The following ZNF407 variants were observed in gnomAD, a reference collection of about 807,000 sequenced individuals.
The protein encoded by ZNF407 is zinc finger protein 407.
A neutral mutation model predicts 131.2 loss-of-function variants in ZNF407; 17 were observed. The observed-to-expected ratio is 0.13, with a 90% CI of 0.09 to 0.19. The LOEUF (loss-of-function observed/expected upper bound fraction) is 0.19. Ranked by LOEUF, ZNF407 falls within the 10% of genes least tolerant of loss-of-function variation. The probability of loss-of-function intolerance (pLI) is 1.00; values close to 1 mark genes in which losing one functional copy is unlikely to be tolerated. For missense variants in ZNF407, 2,681 were observed against 2,830.6 expected (o/e 0.95, Z 1.20); for synonymous variants, 1,156 against 1,062.0 (o/e 1.09, Z -1.72).
intron 7 of ZNF407, among the ~76,000 whole-genome samples, chr18:74,913,147 A>G (rs538369190): frequency 1.3e-5 from 2 of 152,364 alleles, no homozygotes; most frequent in East Asian, 3.9e-4. Context: ...TCTGAAGGGC[A>G]GTATGGCAGA....
At chr18:74,640,196 A>G (rs1357425549) in intron 2 of ZNF407, among the ~76,000 whole-genome samples, 4 of 152,138 alleles carry the variant, frequency 2.6e-5, no homozygotes, top group Non-Finnish European at 4.4e-5. Flanking sequence ...ATCTGTTAAT[A>G]TGTTTCAGTT....
chr18:74,598,894 G>T (rs927021848), intron 1 of ZNF407, among the ~76,000 whole-genome samples: 3 of 152,218 alleles, frequency 2.0e-5, no homozygotes, highest in African/African-American at 7.2e-5. Flanking sequence ...TCATTGGGGA[G>T]TTTTGGAATA....
At chr18:74,794,219 T>C (rs1438089543) in intron 4 of ZNF407, among the ~76,000 whole-genome samples, 1 of 152,184 alleles carries the variant, frequency 6.6e-6, no homozygotes, top group Non-Finnish European at 1.5e-5. Flanking sequence ...TGTCAGCGTC[T>C]TCACGTGTGT....
chr18:74,743,195 G>A (rs12456075), intron 3 of ZNF407, among the ~76,000 whole-genome samples: 69,197 of 152,048 alleles, frequency 0.46, 19,294 homozygotes, highest in Non-Finnish European at 0.6. Flanking sequence ...TTACAATGTG[G>A]GAGGGAAGGT....
intron 3 of ZNF407, among the ~76,000 whole-genome samples, chr18:74,667,681 A>G (rs1054417745): frequency 1.4e-4 from 21 of 152,342 alleles, no homozygotes; most frequent in African/African-American, 4.6e-4. Flanking sequence ...TGTAAAGCCC[A>G]TAGGTCTCCC....
chr18:74,883,509 CGCAATACAGACTGTCCAGGGG>C (rs1971266475), intron 6 of ZNF407, among the ~76,000 whole-genome samples: 2 of 152,102 alleles, frequency 1.3e-5, no homozygotes, highest in African/African-American at 4.8e-5. Flanking sequence ...AATTCCTCAC[CGCAATACAGACTGTCCAGGGG>C]GCTGACACAA....
At chr18:74,899,604 T>A (rs1255329440) in intron 7 of ZNF407, among the ~76,000 whole-genome samples, 1 of 152,298 alleles carries the variant, frequency 6.6e-6, no homozygotes, top group South Asian at 2.1e-4. Context: ...TGGAACTTGA[T>A]GTGATTGATG....
chr18:74,668,729 C>T (rs934331150), intron 3 of ZNF407, among the ~76,000 whole-genome samples: 2 of 152,050 alleles, frequency 1.3e-5, no homozygotes, highest in African/African-American at 4.8e-5. Context: ...GATCTTTATA[C>T]GTTGTTAATG....
chr18:74,603,242 C>T (rs571088052), intron 1 of ZNF407, among the ~76,000 whole-genome samples: 2 of 152,138 alleles, frequency 1.3e-5, no homozygotes, highest in Non-Finnish European at 2.9e-5. Context: ...AGGAATCTTG[C>T]TTTAATTTGG....
At chr18:74,886,667 A>G (rs1408207575) in intron 6 of ZNF407, among the ~76,000 whole-genome samples, 1 of 152,234 alleles carries the variant, frequency 6.6e-6, no homozygotes, top group African/African-American at 2.4e-5. Flanking sequence ...TACCATAAGT[A>G]TCTAGGTGTA....
chr18:74,862,397 A>G (rs1970950051), intron 4 of ZNF407, among the ~76,000 whole-genome samples: 1 of 152,240 alleles, frequency 6.6e-6, no homozygotes, highest in South Asian at 2.1e-4. Flanking sequence ...TTTTCTGAGA[A>G]TTTTAACAAC....
At chr18:74,916,412 AGTGT>A (rs543790604) in intron 7 of ZNF407, among the ~76,000 whole-genome samples, 81 of 70,398 alleles carry the variant, frequency 1.2e-3, no homozygotes, top group African/African-American at 5.1e-3. Context: ...TCGAATCGGG[AGTGT>A]GTGTGTGTGT....
chr18:74,656,912 T>A (rs1985483361), intron 3 of ZNF407, among the ~76,000 whole-genome samples: 1 of 152,234 alleles, frequency 6.6e-6, no homozygotes, highest in South Asian at 2.1e-4. Flanking sequence ...TATGAATAAA[T>A]GCCATTGTTG....
chr18:75,001,373 TATATG>T (rs1355312927), intron 8 of ZNF407, among the ~76,000 whole-genome samples: 2 of 152,238 alleles, frequency 1.3e-5, no homozygotes, highest in Admixed American at 1.3e-4. Context: ...GCCAGAAAGT[TATATG>T]ATAAACGATA....
chr18:74,972,291 T>C (rs1190440706), intron 8 of ZNF407, among the ~76,000 whole-genome samples: 1 of 152,208 alleles, frequency 6.6e-6, no homozygotes, highest in East Asian at 1.9e-4. Flanking sequence ...AGCCAGTGGA[T>C]CTACAACCGC....
At chr18:74,715,534 G>A (rs1290768820) in intron 3 of ZNF407, among the ~76,000 whole-genome samples, 8 of 152,188 alleles carry the variant, frequency 5.3e-5, no homozygotes, top group Non-Finnish European at 1.2e-4. Context: ...GTGGATGCTT[G>A]GGGAGCTGGC....
intron 8 of ZNF407, among the ~76,000 whole-genome samples, chr18:75,053,300 G>A (rs553077515): frequency 3.9e-5 from 6 of 152,194 alleles, no homozygotes; most frequent in African/African-American, 7.2e-5. Flanking sequence ...ACAGGACCCC[G>A]TCAGGTCTGG....
Position 75,027,631 on chromosome 18 carries a change from C to T in ZNF407, c.5429-35519C>T, listed in dbSNP as rs142508018. 7.9e-3 allele frequency among the ~76,000 whole-genome samples: 1,201 copies of T among 152,222 alleles called. 20 individuals carry two copies. The highest frequency in any genetic ancestry group is 0.027 in the African/African-American group (1,108 of 41,534). On this transcript the variant is annotated intron_variant, in intron 8 of 8. Transcript: ENST00000299687. ...TTGAGCTATGTGCAAGTGTTGTTGC[C>T]ATCTGATCTCTAATTCTCTGATTTG...
chr18:74,717,117 A>C (rs1043194827), intron 3 of ZNF407, among the ~76,000 whole-genome samples: 1 of 152,210 alleles, frequency 6.6e-6, no homozygotes, highest in Non-Finnish European at 1.5e-5. Flanking sequence ...ATCTTTTAGC[A>C]TTTTCAGATT....
Sources: allele counts gnomAD v4.1 joint callset (sites outside exome capture counted in the v4.1 genomes callset), GRCh38; gene constraint gnomAD v4.1.1; transcripts MANE v1.5; gene names NCBI Gene and HGNC (gene_info 2026-07-23, HGNC 2026-07-21).